The following COX5B variants were observed in gnomAD, a reference collection of about 807,000 sequenced individuals.
COX5B encodes the protein cytochrome c oxidase subunit 5B, mitochondrial.
Under a neutral mutation model 16.2 loss-of-function variants are expected in COX5B, and 8 were observed. The observed-to-expected ratio is 0.49, with a 90% CI of 0.29 to 0.89. COX5B has a LOEUF of 0.89. COX5B is among the 40% of genes least tolerant of loss of function. The pLI is 0.08. For missense variants in COX5B, 161 were observed against 168.7 expected, an observed-to-expected ratio of 0.95 and a Z score of 0.25; for synonymous variants, 65 against 67.6, an observed-to-expected ratio of 0.96 and a Z score of 0.19.
In COX5B at chr2:97,648,373, A is replaced by G; in HGVS notation, c.*265A>G. 1 of 367,228 alleles carries G rather than the reference A, an allele frequency of 2.7e-6. No individual in the cohort carries two copies. The highest frequency in any genetic ancestry group is 6.2e-5 in the South Asian group (1 of 16,034). 22.7% of individuals were successfully genotyped at this position (367,228 alleles called of 1,614,324 possible). A position where few individuals can be genotyped will look rare whatever the true frequency, so the allele number is the denominator to read the frequency against. ...AACCCGTAATGCAATGAATGGGACC[A>G]CCTGGTATGAGAGAAAGGGGCGGGC... On this transcript the variant is annotated 3_prime_UTR_variant, in exon 4 of 4. Transcript: ENST00000258424.
Position 97,648,221 on chromosome 2 carries a change from A to G in COX5B, c.*113A>G, listed in dbSNP as rs887459224. 41 of 900,580 alleles carry G rather than the reference A, an allele frequency of 4.6e-5. No homozygotes were observed. Among genetic ancestry groups the G allele is most frequent in the Non-Finnish European group, 6.6e-5 (40 of 604,948 alleles). The allele number at this position is 900,580 out of a possible 1,614,324, so 55.8% of individuals were successfully genotyped here. On this transcript the variant is annotated 3_prime_UTR_variant, in exon 4 of 4. Transcript: ENST00000258424. Reference sequence around the variant, plus strand: ...ATGGCTGGTCTTATTTCTTACCCGTATTCTTTGGTAGGCATGGAATATGCT... The same window carrying G: ...ATGGCTGGTCTTATTTCTTACCCGTGTTCTTTGGTAGGCATGGAATATGCT...
chr2:97,647,421 CAA>C lies in COX5B; in HGVS notation c.256_257del (p.Lys86GlufsTer8). On this transcript the variant is annotated frameshift_variant, in exon 3 of 4. Coordinates refer to ENST00000258424, the MANE Select transcript of COX5B (RefSeq NM_001862.3). LOFTEE classifies it high-confidence loss of function. ...CTAATTTAGTCCCCTCCATCTCCAACAAGAGAATAGTAGGCTGCATCTGTAAG... is the reference window on the plus strand; with the variant it reads ...CTAATTTAGTCCCCTCCATCTCCAACGAGAATAGTAGGCTGCATCTGTAAG... ...DPNLVPSISN[K>X]RIVGCICEED... 1 of 1,614,032 alleles carries C rather than the reference CAA, an allele frequency of 6.2e-7. No homozygotes were observed. Among genetic ancestry groups the C allele is most frequent in the Non-Finnish European group, 8.5e-7 (1 of 1,179,886 alleles).
At chr2:97,646,422 G>A in intron 1 of COX5B, 2 of 516,534 alleles carry the variant, frequency 3.9e-6, no homozygotes, top group Non-Finnish European at 6.8e-6. Flanking sequence ...GGGTGACCTT[G>A]GGAGGGACCG....
chr2:97,647,077 C>T lies in COX5B; in HGVS notation c.114C>T (p.Pro38=), dbSNP rs1381439073. 2 of 1,613,922 alleles carry T rather than the reference C, an allele frequency of 1.2e-6. No individual in the cohort carries two copies. Among genetic ancestry groups the T allele is most frequent in the Non-Finnish European group, 8.5e-7 (1 of 1,179,974 alleles). Residue 38 remains proline, a synonymous_variant, in exon 2 of 4, where the codon CCC becomes CCT. Coordinates refer to ENST00000258424, the MANE Select transcript of COX5B (RefSeq NM_001862.3). The part of the protein sequence containing the change: ...MRSMASGGGV[P]TDEEQATGLE... ...GTTATCTTCCTTTAGGTGGTGTTCC[C>T]ACTGATGAAGAGCAGGCGACTGGGT... is the stretch of plus-strand genomic sequence containing the variant.
In COX5B at chr2:97,648,297, A is replaced by C; in HGVS notation, c.*189A>C. 1.7e-6 allele frequency: 1 copy of C among 584,750 alleles called. No individual in the cohort carries two copies. Among genetic ancestry groups the C allele is most frequent in the South Asian group, 2.3e-5 (1 of 43,054 alleles). 36.2% of individuals were successfully genotyped at this position (584,750 alleles called of 1,614,324 possible). A position where few individuals can be genotyped will look rare whatever the true frequency, so the allele number is the denominator to read the frequency against. ...TGCTAGCTTGCCATCCACTTACTGA[A>C]AGTGTATAACCAGTGTATAGTGCTT... On this transcript the variant is annotated 3_prime_UTR_variant, in exon 4 of 4. Transcript: ENST00000258424.
chr2:97,647,160 T>G lies in COX5B; in HGVS notation c.177+20T>G, dbSNP rs200729456. 1.0e-4 allele frequency: 162 copies of G among 1,610,902 alleles called. No individual in the cohort carries two copies. The African/African-American group carries it at 2.1e-3, about 20-fold the overall frequency. On this transcript the variant is annotated intron_variant, in intron 2 of 3. Coordinates refer to ENST00000258424, the MANE Select transcript of COX5B (RefSeq NM_001862.3). ...GGACTGGTAAGGAGAAACTCCCTTC[T>G]GTGTCTTCTGTGTAACTTATGGCCT... is the stretch of plus-strand genomic sequence containing the variant.
intron 3 of COX5B, 92 bp downstream of exon 3, chr2:97,647,535 G>A: frequency 9.1e-7 from 1 of 1,103,344 alleles, no homozygotes; most frequent in South Asian, 1.4e-5. Context: ...GTGAGTGCAT[G>A]TTGGTAAGTT....
At position 97,647,009 on chromosome 2, in the gene COX5B, TG is replaced by T. The variant is rs1674669555; in HGVS notation, c.104-57del. On this transcript the variant is annotated intron_variant, in intron 1 of 3. Coordinates refer to ENST00000258424, the MANE Select transcript of COX5B (RefSeq NM_001862.3). ...ACCATTTTCCTTGATCATTTCTGTTTGTAGTTTTTCTATCAGTCATTTCAGT... is the reference window on the plus strand; with the variant it reads ...ACCATTTTCCTTGATCATTTCTGTTTTAGTTTTTCTATCAGTCATTTCAGT... The T allele has an allele frequency of 3.2e-6, 5 of 1,558,720 alleles. No individual in the cohort carries two copies. In the South Asian group the frequency reaches 3.3e-5, roughly 10 times the overall value.
In COX5B at chr2:97,648,216, C is replaced by A. The variant is rs79231961; in HGVS notation, c.*108C>A. The A allele has an allele frequency of 1.1e-3, 1,011 of 952,986 alleles. 13 individuals carry two copies. In the East Asian group the frequency reaches 0.026, roughly 25 times the overall value. 59.0% of individuals were successfully genotyped at this position (952,986 alleles called of 1,614,324 possible). On this transcript the variant is annotated 3_prime_UTR_variant, in exon 4 of 4. Coordinates refer to ENST00000258424, the MANE Select transcript of COX5B (RefSeq NM_001862.3). Reference sequence around the variant, plus strand: ...CATAGATGGCTGGTCTTATTTCTTACCCGTATTCTTTGGTAGGCATGGAAT... The same window carrying A: ...CATAGATGGCTGGTCTTATTTCTTAACCGTATTCTTTGGTAGGCATGGAAT...
intron 3 of COX5B, 112 bp from the exon 4 acceptor site, chr2:97,647,884 A>G (rs559945527): frequency 1.1e-6 from 1 of 917,066 alleles, no homozygotes; most frequent in East Asian, 2.6e-5. Context: ...ATCTCTTAAG[A>G]TATCAACCAT....
chr2:97,647,356 G>T lies in COX5B; in HGVS notation c.190G>T (p.Val64Leu), dbSNP rs773729915. 6.2e-7 allele frequency: 1 copy of T among 1,613,740 alleles called. No individual in the cohort carries two copies. Among genetic ancestry groups the T allele is most frequent in the African/African-American group, 1.3e-5 (1 of 74,868 alleles). ...AAKKGLDPYN[V>L]LAPKGASGTR... Reference sequence around the variant, plus strand: ...GTTTTTTCTTCAGGACCCATACAATGTACTGGCCCCAAAGGGAGCTTCAGG... The same window carrying T: ...GTTTTTTCTTCAGGACCCATACAATTTACTGGCCCCAAAGGGAGCTTCAGG... The change falls in exon 3 of 4, where the codon GTA (valine) becomes TTA (leucine). Residue 64 changes from valine to leucine, a missense_variant. Val to Leu is a conservative substitution (Grantham distance 32). Coordinates refer to ENST00000258424, the MANE Select transcript of COX5B (RefSeq NM_001862.3).
Position 97,646,119 on chromosome 2 carries a change from G to T in COX5B, c.33G>T (p.Thr11=), listed in dbSNP as rs2104483639. The T allele has an allele frequency of 1.3e-6, 2 of 1,557,264 alleles. No homozygotes were observed. The highest frequency in any genetic ancestry group is 2.4e-5 in the South Asian group (2 of 84,482). ...CAAGGTTACTTCGCGGAGCTGGAAC[G>T]CTGGCCGCGCAGGCCCTGAGGGCTC... The part of the protein sequence containing the change: MASRLLRGAG[T]LAAQALRARG... Residue 11 remains threonine (T), a synonymous_variant, in exon 1 of 4, where the codon ACG becomes ACT. Coordinates refer to ENST00000258424, the MANE Select transcript of COX5B (RefSeq NM_001862.3).
At chr2:97,647,488 C>A in intron 3 of COX5B, 45 bp downstream of exon 3, 2 of 1,496,154 alleles carry the variant, frequency 1.3e-6, no homozygotes, top group Non-Finnish European at 1.9e-6. Flanking sequence ...TTAATATATC[C>A]TACAATAGTG....
Position 97,647,354 on chromosome 2 carries a change from A to C in COX5B, c.188A>C (p.Asn63Thr). The C allele has an allele frequency of 6.2e-7, 1 of 1,613,814 alleles. No homozygotes were observed. Among genetic ancestry groups the C allele is most frequent in the Non-Finnish European group, 8.5e-7 (1 of 1,179,906 alleles). The change falls in exon 3 of 4, where the codon AAT becomes ACT. Residue 63 changes from asparagine (N) to threonine (T), a missense_variant. Asn to Thr is a moderately conservative substitution (Grantham distance 65). Transcript: ENST00000258424. ...TTGTTTTTTCTTCAGGACCCATACA[A>C]TGTACTGGCCCCAAAGGGAGCTTCA... ...LAAKKGLDPY[N>T]VLAPKGASGT...
chr2:97,646,231 C>CTCCCAGGGTGG (rs1674651777), intron 1 of COX5B, 42 bp downstream of exon 1: 2 of 1,383,660 alleles, frequency 1.4e-6, no homozygotes, highest in African/African-American at 2.9e-5. Flanking sequence ...GAGTGTTGCC[C>CTCCCAGGGTGG]TCCCAGGGTG....
intron 1 of COX5B, 71 bp downstream of exon 1, chr2:97,646,260 G>A: frequency 2.8e-6 from 3 of 1,069,352 alleles, no homozygotes; most frequent in Non-Finnish European, 4.0e-6. Flanking sequence ...GCGGCAAAGC[G>A]GCGCGGCTCG....
intron 1 of COX5B, 149 bp downstream of exon 1, chr2:97,646,338 C>T (rs184795128): frequency 5.5e-5 from 32 of 586,212 alleles, no homozygotes; most frequent in Non-Finnish European, 7.8e-5. Context: ...AGGCATCTCC[C>T]TGTAATTCTG....
In COX5B at chr2:97,647,120, C is replaced by G; in HGVS notation, c.157C>G (p.Leu53Val). The G allele has an allele frequency of 6.2e-7, 1 of 1,614,082 alleles. No individual in the cohort carries two copies. The highest frequency in any genetic ancestry group is 8.5e-7 in the Non-Finnish European group (1 of 1,179,974). Reference protein sequence around the residue: ...QATGLEREIMLAAKKGLDPYN... With the variant: ...QATGLEREIMVAAKKGLDPYN... Reference sequence around the variant, plus strand: ...GACTGGGTTGGAGAGGGAGATCATGCTGGCTGCAAAGAAGGGACTGGTAAG... The same window carrying G: ...GACTGGGTTGGAGAGGGAGATCATGGTGGCTGCAAAGAAGGGACTGGTAAG... Residue 53 changes from leucine to valine, a missense_variant, in exon 2 of 4, where the codon CTG becomes GTG. Transcript: ENST00000258424.
chr2:97,647,970 C>T, intron 3 of COX5B, 26 bp from the exon 4 acceptor site: 1 of 1,606,600 alleles, frequency 6.2e-7, no homozygotes, highest in Non-Finnish European at 8.5e-7. Flanking sequence ...GTTGGATGAC[C>T]ATAAACCACC....
Sources: allele counts gnomAD v4.1 joint callset, GRCh38; gene constraint gnomAD v4.1.1; transcripts MANE v1.5; gene names NCBI Gene and HGNC (gene_info 2026-07-23, HGNC 2026-07-21).